MINK1: variants seen among roughly 807,000 people sequenced by gnomAD.
MINK1 encodes misshapen-like kinase 1.
A neutral mutation model predicts 178.4 loss-of-function variants in MINK1; 46 were observed. The observed-to-expected ratio is 0.26, with a 90% confidence interval of 0.20 to 0.33. MINK1 has a LOEUF of 0.33. MINK1 is among the 10% of genes least tolerant of loss of function. MINK1 has a pLI of 1.00. For missense variants in MINK1, 1,366 were observed against 1,814.9 expected (o/e 0.75, Z 4.49); for synonymous variants, 797 against 709.7 (o/e 1.12, Z -1.96).
chr17:4,864,584 G>T (rs1914659281), intron 1 of MINK1, among the ~76,000 whole-genome samples: 1 of 151,542 alleles, frequency 6.6e-6, no homozygotes, highest in Admixed American at 6.6e-5. Flanking sequence ...AATTAGCCGG[G>T]CATGGTGGTG....
chr17:4,879,198 T>G (rs146287305), intron 2 of MINK1, among the ~76,000 whole-genome samples: 136 of 114,268 alleles, frequency 1.2e-3, no homozygotes, highest in African/African-American at 1.8e-3. Context: ...ACACTTGGAT[T>G]GTGGGAGCCG....
intron 1 of MINK1, among the ~76,000 whole-genome samples, chr17:4,856,225 T>TA (rs1246630141): frequency 2.6e-5 from 4 of 152,014 alleles, no homozygotes; most frequent in Non-Finnish European, 5.9e-5. Context: ...GGCTCTGGGG[T>TA]AAATGGAGAC....
chr17:4,879,572 C>G (rs1967511752), intron 2 of MINK1, among the ~76,000 whole-genome samples: 1 of 152,210 alleles, frequency 6.6e-6, no homozygotes, highest in Non-Finnish European at 1.5e-5. Flanking sequence ...TAAAAATTAC[C>G]CATGGGCTGG....
chr17:4,880,710 T>G (rs1435338397), intron 2 of MINK1, among the ~76,000 whole-genome samples: 1 of 150,680 alleles, frequency 6.6e-6, no homozygotes, highest in Non-Finnish European at 1.5e-5. Flanking sequence ...CCATCCTGGC[T>G]AACACGGTGA....
chr17:4,834,476 G>A (rs980112386), intron 1 of MINK1, among the ~76,000 whole-genome samples: 8 of 152,196 alleles, frequency 5.3e-5, no homozygotes, highest in Non-Finnish European at 7.3e-5. Context: ...GCTAAAGGCT[G>A]GAAGCAATGG....
chr17:4,892,351 ACCTCAGCGCCCCCCCGCCGCCC>A, intron 17 of MINK1, 29 bp from the exon 18 acceptor site: 1 of 1,454,404 alleles, frequency 6.9e-7, no homozygotes, highest in Non-Finnish European at 9.4e-7. Flanking sequence ...CAGCCCCATC[ACCTCAGCGCCCCCCCGCCGCCC>A]CCTCGGCACC....
At chr17:4,849,418 T>C (rs1233788829) in intron 1 of MINK1, among the ~76,000 whole-genome samples, 1 of 152,184 alleles carries the variant, frequency 6.6e-6, no homozygotes, top group Non-Finnish European at 1.5e-5. Context: ...AAGAGCTTTA[T>C]TGAAAGGCAC....
At position 4,884,476 on chromosome 17, in the gene MINK1, G is replaced by T; in HGVS notation, c.417+3G>T. ...ATATCTGCAGGGAGATCCTCAGGGT[G>T]AGCTCAAGGCCCCTCCCCTTGTCTT... On this transcript the variant is annotated splice_donor_region_variant and intron_variant, in intron 5 of 31. Coordinates refer to ENST00000355280, the MANE Select transcript of MINK1 (RefSeq NM_153827.5). The T allele has an allele frequency of 6.2e-7, 1 of 1,607,034 alleles. No homozygotes were observed. The highest frequency in any genetic ancestry group is 8.5e-7 in the Non-Finnish European group (1 of 1,173,764).
At chr17:4,848,644 G>A (rs1395930924) in intron 1 of MINK1, among the ~76,000 whole-genome samples, 1 of 152,172 alleles carries the variant, frequency 6.6e-6, no homozygotes, top group Non-Finnish European at 1.5e-5. Context: ...ACAGGCGTGA[G>A]CCACCGCGCC....
In MINK1 at chr17:4,896,922, G is replaced by A. The variant is rs542145105; in HGVS notation, c.3915+109G>A. On this transcript the variant is annotated intron_variant, in intron 31 of 31. Transcript: ENST00000355280. This position sits in a 1 kb window ranked among gnomAD's most constrained non-coding sequence, Gnocchi z 4.6. ...GGTGGTGGTGGCTTCCTGAAAGCGG[G>A]CCCCTCTGGGAGCTCAGAGGGCAGT... The A allele has an allele frequency of 2.8e-6, 4 of 1,411,196 alleles. No individual in the cohort carries two copies. The East Asian group carries it at 7.5e-5, about 26-fold the overall frequency. 87.4% of individuals were successfully genotyped at this position (1,411,196 alleles called of 1,614,324 possible). A position where few individuals can be genotyped will look rare whatever the true frequency, so the allele number is the denominator to read the frequency against.
chr17:4,854,019 G>A (rs1406335049), intron 1 of MINK1, among the ~76,000 whole-genome samples: 4 of 152,234 alleles, frequency 2.6e-5, no homozygotes, highest in South Asian at 4.1e-4. Context: ...GGAGGCAGAC[G>A]GAACCTCAGA....
chr17:4,881,096 G>A, intron 3 of MINK1, 36 bp from the exon 4 acceptor site: 2 of 1,536,822 alleles, frequency 1.3e-6, no homozygotes, highest in Non-Finnish European at 1.7e-6. Context: ...GGAGTGTTGG[G>A]GGAGTCTCAG....
rs546809996 is a variant in MINK1 at position 4,882,692 on chromosome 17, A to G, written c.306+1435A>G. Among the ~76,000 whole-genome samples, 4 of 152,336 alleles carry G rather than the reference A, an allele frequency of 2.6e-5. 1 individual carries two copies. Among genetic ancestry groups the G allele is most frequent in the African/African-American group, 9.6e-5 (4 of 41,584 alleles). ...TCTGTTGTTGTACCACGAAAGCAGC[A>G]ATAGTCAGTACGTAAACGAATGAGT... On this transcript the variant is annotated intron_variant, in intron 4 of 31. Transcript: ENST00000355280.
Position 4,887,859 on chromosome 17 carries a change from C to A in MINK1, c.1230+69C>A. 1.6e-6 allele frequency: 2 copies of A among 1,277,090 alleles called. No individual in the cohort carries two copies. Among genetic ancestry groups the A allele is most frequent in the Non-Finnish European group, 2.1e-6 (2 of 967,918 alleles). The allele number at this position is 1,277,090 out of a possible 1,614,324, so 79.1% of individuals were successfully genotyped here. A position where few individuals can be genotyped will look rare whatever the true frequency, so the allele number is the denominator to read the frequency against. On this transcript the variant is annotated intron_variant, in intron 12 of 31. Transcript: ENST00000355280. The surrounding 1 kb of genome is among the most constrained non-coding windows in gnomAD (Gnocchi z 7.6). ...TGACCTGCCCCGGGTCCATTAGGGC[C>A]TTGGAGAACAGGTTTTAAAATGCCT... is the stretch of plus-strand genomic sequence containing the variant.
chr17:4,868,075 C>G (rs536053013), intron 1 of MINK1, among the ~76,000 whole-genome samples: 1 of 151,130 alleles, frequency 6.6e-6, no homozygotes, highest in South Asian at 2.1e-4. Flanking sequence ...CTTCCAGGTT[C>G]TAGTGATTCT....
intron 1 of MINK1, among the ~76,000 whole-genome samples, chr17:4,855,774 A>C (rs1913013836): frequency 6.7e-6 from 1 of 150,222 alleles, no homozygotes; most frequent in African/African-American, 2.4e-5. Flanking sequence ...CGTCTCAAAA[A>C]AAAAAAAAAA....
chr17:4,889,614 A>G (rs1433024490), intron 12 of MINK1, 33 bp from the exon 13 acceptor site: 15 of 1,534,664 alleles, frequency 9.8e-6, no homozygotes, highest in African/African-American at 2.7e-5. Flanking sequence ...GATGTCCGGT[A>G]TGGTTCTTAA....
intron 1 of MINK1, among the ~76,000 whole-genome samples, chr17:4,873,051 A>G (rs1597481265): frequency 6.6e-6 from 1 of 151,826 alleles, no homozygotes; most frequent in Non-Finnish European, 1.5e-5. Flanking sequence ...AGTCAGTGGG[A>G]TTTTTTTCAG....
At chr17:4,870,757 G>A (rs1915767977) in intron 1 of MINK1, among the ~76,000 whole-genome samples, 1 of 152,064 alleles carries the variant, frequency 6.6e-6, no homozygotes, top group African/African-American at 2.4e-5. Context: ...CTCAGGAGGT[G>A]GAGGTTGCAG....
Sources: gnomAD v4.1 joint callset for allele counts (sites outside exome capture counted in the v4.1 genomes callset) on GRCh38, gnomAD v4.1.1 for gene constraint, Gnocchi (gnomAD v3.1) non-coding constraint, MANE v1.5 for transcripts, NCBI Gene and HGNC (gene_info 2026-07-23, HGNC 2026-07-21) for gene names.